SLC35F3: variants seen among roughly 807,000 people sequenced by gnomAD.
SLC35F3 encodes the protein putative thiamine transporter SLC35F3.
Under a neutral mutation model 49.9 loss-of-function variants are expected in SLC35F3, and 25 were observed. The ratio of observed to expected loss-of-function variants is 0.50; its 90% CI spans 0.37 to 0.70. SLC35F3 has a LOEUF of 0.70. Among genes scored for constraint, SLC35F3 ranks in the 30% least tolerant of loss-of-function variants. The probability of loss-of-function intolerance (pLI) is 0.00; values close to 1 mark genes in which losing one functional copy is unlikely to be tolerated. For synonymous variants in SLC35F3, 275 were observed against 265.4 expected (o/e 1.04, Z -0.35); for missense variants, 525 against 639.8 (o/e 0.82, Z 1.94).
At chr1:234,049,289 T>C (rs1664338789) in intron 2 of SLC35F3, among the ~76,000 whole-genome samples, 1 of 152,136 alleles carries the variant, frequency 6.6e-6, no homozygotes, top group South Asian at 2.1e-4. Flanking sequence ...CCTGATCCAA[T>C]AGGATTAGTG....
chr1:234,136,408 A>C (rs1038193119), intron 2 of SLC35F3, among the ~76,000 whole-genome samples: 1 of 146,344 alleles, frequency 6.8e-6, no homozygotes, highest in African/African-American at 2.5e-5. Context: ...ACAGGGTCTC[A>C]CTATGTTGCC....
At chr1:234,064,786 C>T (rs1664591876) in intron 2 of SLC35F3, among the ~76,000 whole-genome samples, 1 of 152,104 alleles carries the variant, frequency 6.6e-6, no homozygotes, top group South Asian at 2.1e-4. Context: ...TACCTAGGGC[C>T]ATAAATTGTT....
chr1:234,201,999 T>C (rs1666907603), intron 2 of SLC35F3, among the ~76,000 whole-genome samples: 1 of 151,024 alleles, frequency 6.6e-6, no homozygotes, highest in Non-Finnish European at 1.5e-5. Flanking sequence ...CCATCAATGC[T>C]AGACTGAATA....
chr1:234,297,797 T>C (rs939044731), intron 3 of SLC35F3, among the ~76,000 whole-genome samples: 3 of 150,972 alleles, frequency 2.0e-5, no homozygotes, highest in South Asian at 2.1e-4. Context: ...ATAATGGTGG[T>C]TGCCAAAGGA....
At chr1:234,189,421 G>T (rs571895945) in intron 2 of SLC35F3, among the ~76,000 whole-genome samples, 60 of 151,198 alleles carry the variant, frequency 4.0e-4, no homozygotes, top group African/African-American at 1.3e-3. Context: ...AATGCAAGAT[G>T]TACTGGAAAG....
At position 234,309,233 on chromosome 1, in the gene SLC35F3, G is replaced by A. The variant is rs367931013; in HGVS notation, c.741G>A (p.Thr247=). ...ATGCAATAAAGAAAATAAACACTAC[G>A]GATGTCTCCGTGTTGTTCTGCTGCA... The part of the protein sequence containing the change: ...YLHAIKKINT[T]DVSVLFCCNK... Residue 247 remains threonine, a synonymous_variant, in exon 4 of 8, where the codon ACG becomes ACA. Transcript: ENST00000366618. 9 of 1,614,026 alleles carry A rather than the reference G, an allele frequency of 5.6e-6. No homozygotes were observed. Among genetic ancestry groups the A allele is most frequent in the African/African-American group, 1.3e-5 (1 of 74,916 alleles).
chr1:233,991,638 GT>G (rs1274565921), intron 2 of SLC35F3, among the ~76,000 whole-genome samples: 9 of 151,974 alleles, frequency 5.9e-5, no homozygotes, highest in Non-Finnish European at 8.8e-5. Flanking sequence ...ACCCTAATTT[GT>G]TTTTTACTTA....
At chr1:234,185,194 G>A (rs1666623111) in intron 2 of SLC35F3, among the ~76,000 whole-genome samples, 2 of 152,148 alleles carry the variant, frequency 1.3e-5, no homozygotes, top group African/African-American at 4.8e-5. Flanking sequence ...TGGGGTGGGG[G>A]TGTACGCTGG....
intron 2 of SLC35F3, among the ~76,000 whole-genome samples, chr1:234,072,952 G>T (rs1664740066): frequency 6.6e-6 from 1 of 152,178 alleles, no homozygotes; most frequent in Non-Finnish European, 1.5e-5. Context: ...CAAAGCAGAT[G>T]GTGGGAGGAC....
At chr1:234,008,845 C>G (rs1436482409) in intron 2 of SLC35F3, among the ~76,000 whole-genome samples, 8 of 152,186 alleles carry the variant, frequency 5.3e-5, no homozygotes, top group Non-Finnish European at 1.0e-4. Context: ...ACTCCAGATT[C>G]CTGGATGCTG....
intron 2 of SLC35F3, among the ~76,000 whole-genome samples, chr1:234,024,307 A>G (rs1663944021): frequency 6.6e-6 from 1 of 151,804 alleles, no homozygotes; most frequent in South Asian, 2.1e-4. Flanking sequence ...GTGGTGAGGG[A>G]AGATGCTGAG....
intron 3 of SLC35F3, among the ~76,000 whole-genome samples, chr1:234,303,889 A>G (rs955870266): frequency 1.3e-5 from 2 of 152,024 alleles, no homozygotes; most frequent in African/African-American, 4.8e-5. Context: ...AGTTCTGAGA[A>G]ACTGTCTTGA....
In SLC35F3 at chr1:234,214,183, G is replaced by C. The variant is rs1445414050; in HGVS notation, c.284-17234G>C. On this transcript the variant is annotated intron_variant, in intron 2 of 7. Coordinates refer to ENST00000366618, the MANE Select transcript of SLC35F3 (RefSeq NM_173508.4). This position sits in a 1 kb window ranked among gnomAD's most constrained non-coding sequence, Gnocchi z 8.0. ...GAGGAGGGCGGAGCAGGTGAGCTGC[G>C]GGGTGGGAGCAGGGAGTGCACTTGT... 7 of 1,101,668 alleles carry C rather than the reference G, an allele frequency of 6.4e-6. No homozygotes were observed. Among genetic ancestry groups the C allele is most frequent in the South Asian group, 4.1e-5 (1 of 24,448 alleles). The allele number at this position is 1,101,668 out of a possible 1,614,324, so 68.2% of individuals were successfully genotyped here.
At chr1:234,119,379 A>G (rs1665539892) in intron 2 of SLC35F3, among the ~76,000 whole-genome samples, 2 of 152,130 alleles carry the variant, frequency 1.3e-5, no homozygotes, top group Admixed American at 1.3e-4. Context: ...AGGGATGAAC[A>G]AACCAAATAA....
intron 2 of SLC35F3, among the ~76,000 whole-genome samples, chr1:234,011,465 A>C (rs1410634161): frequency 6.6e-6 from 1 of 152,198 alleles, no homozygotes; most frequent in Non-Finnish European, 1.5e-5. Flanking sequence ...GTTAAGGGTC[A>C]CAAATGGCCA....
chr1:234,033,607 T>C (rs1572026729), intron 2 of SLC35F3, among the ~76,000 whole-genome samples: 1 of 152,202 alleles, frequency 6.6e-6, no homozygotes, highest in Non-Finnish European at 1.5e-5. Context: ...ATTTGTTGAA[T>C]AGGGTGTCTT....
At chr1:234,316,090 G>C (rs1461704378) in intron 4 of SLC35F3, among the ~76,000 whole-genome samples, 2 of 152,192 alleles carry the variant, frequency 1.3e-5, no homozygotes, top group Admixed American at 6.5e-5. Context: ...GTGACATTCT[G>C]TCAGGCCCCA....
chr1:233,904,999 C>G lies in SLC35F3; in HGVS notation c.-79C>G. The G allele has an allele frequency of 6.8e-7, 1 of 1,480,678 alleles. No homozygotes were observed. 91.7% of individuals were successfully genotyped at this position (1,480,678 alleles called of 1,614,324 possible). Reference sequence around the variant, plus strand: ...GGCAGCGCACTCCAGTCTTCCCAGGCTAGCGGCTGCAGGGAGCTCCGGCCC... The same window carrying G: ...GGCAGCGCACTCCAGTCTTCCCAGGGTAGCGGCTGCAGGGAGCTCCGGCCC... On this transcript the variant is annotated 5_prime_UTR_variant, in exon 1 of 8. Coordinates refer to ENST00000366618, the MANE Select transcript of SLC35F3 (RefSeq NM_173508.4).
intron 2 of SLC35F3, among the ~76,000 whole-genome samples, chr1:233,913,752 T>C (rs960645010): frequency 1.3e-5 from 2 of 152,198 alleles, no homozygotes; most frequent in Non-Finnish European, 2.9e-5. Context: ...TGTCAAGAAA[T>C]GGGACTTCTG....
Sources: gnomAD v4.1 joint callset for allele counts (sites outside exome capture counted in the v4.1 genomes callset) on GRCh38, gnomAD v4.1.1 for gene constraint, Gnocchi (gnomAD v3.1) non-coding constraint, MANE v1.5 for transcripts, NCBI Gene and HGNC (gene_info 2026-07-23, HGNC 2026-07-21) for gene names.